The following SLIT1 variants were observed in gnomAD, a reference collection of about 807,000 sequenced individuals.
The protein encoded by SLIT1 is slit homolog 1 protein.
Under a neutral mutation model 186.1 loss-of-function variants are expected in SLIT1, and 66 were observed. That is an observed-to-expected ratio of 0.35 (90% CI 0.29 to 0.44). The LOEUF (loss-of-function observed/expected upper bound fraction) is 0.44. SLIT1 is among the 20% of genes least tolerant of loss of function. SLIT1 has a pLI of 1.00. For synonymous variants in SLIT1, 761 were observed against 833.8 expected, an observed-to-expected ratio of 0.91 and a Z score of 1.50; for missense variants, 1,638 against 2,037.4, an observed-to-expected ratio of 0.80 and a Z score of 3.77.
At chr10:97,113,157 T>G (rs1214082921) in intron 4 of SLIT1, among the ~76,000 whole-genome samples, 2 of 152,224 alleles carry the variant, frequency 1.3e-5, no homozygotes, top group Non-Finnish European at 2.9e-5. Context: ...TGATTATAAT[T>G]ATATATAATT....
At chr10:97,014,585 G>T (rs1380276849) in intron 28 of SLIT1, among the ~76,000 whole-genome samples, 2 of 152,162 alleles carry the variant, frequency 1.3e-5, no homozygotes, top group Non-Finnish European at 2.9e-5. Flanking sequence ...AGCCTGGAGT[G>T]GCCAGGTGCG....
intron 22 of SLIT1, among the ~76,000 whole-genome samples, chr10:97,035,768 C>T (rs1848633223): frequency 1.3e-5 from 2 of 152,166 alleles, no homozygotes; most frequent in South Asian, 4.1e-4. Flanking sequence ...GCCCCTCCCT[C>T]CCTCTGCTCC....
At chr10:97,114,369 T>C (rs1849492011) in intron 4 of SLIT1, among the ~76,000 whole-genome samples, 1 of 152,114 alleles carries the variant, frequency 6.6e-6, no homozygotes, top group African/African-American at 2.4e-5. Context: ...AGATCAAAAG[T>C]ACAGGCTGGG....
At chr10:97,014,570 G>A (rs1346402475) in intron 28 of SLIT1, among the ~76,000 whole-genome samples, 1 of 152,138 alleles carries the variant, frequency 6.6e-6, no homozygotes, top group South Asian at 2.1e-4. Flanking sequence ...AGAGGTGTGT[G>A]TAAAAGCCTG....
rs138618820 is a variant in SLIT1 at position 97,068,040 on chromosome 10, A to G, written c.414-1954T>C. Among the ~76,000 whole-genome samples, 298 of 152,310 alleles carry G rather than the reference A, an allele frequency of 2.0e-3. 1 individual carries two copies. The highest frequency in any genetic ancestry group is 7.0e-3 in the African/African-American group (289 of 41,568). ...GGAGGCAGGTGGGCTCCTACTGCCT[A>G]CTAGAACTGTGAGAAGGCACTGGAC... On this transcript the variant is annotated intron_variant, in intron 4 of 36. Coordinates refer to ENST00000266058, the MANE Select transcript of SLIT1 (RefSeq NM_003061.3). This position sits in a 1 kb window ranked among gnomAD's most constrained non-coding sequence, Gnocchi z 4.2.
intron 4 of SLIT1, among the ~76,000 whole-genome samples, chr10:97,090,338 T>C (rs1021807202): frequency 6.6e-6 from 1 of 152,018 alleles, no homozygotes; most frequent in Non-Finnish European, 1.5e-5. Context: ...AGCAGAGTCC[T>C]GGGAAGAGCG....
intron 1 of SLIT1, among the ~76,000 whole-genome samples, chr10:97,177,097 G>A (rs773659217): frequency 3.9e-5 from 6 of 152,038 alleles, no homozygotes; most frequent in Non-Finnish European, 7.4e-5. Flanking sequence ...ATTTTGTACC[G>A]GCCTCCCAGG....
chr10:97,057,432 C>A (rs1589377462), intron 11 of SLIT1, 151 bp from the exon 12 acceptor site: 1 of 618,036 alleles, frequency 1.6e-6, no homozygotes, highest in East Asian at 2.8e-5. Flanking sequence ...GCAACTTGTC[C>A]ACAGATGACA....
chr10:97,104,469 T>C (rs1340948385), intron 4 of SLIT1, among the ~76,000 whole-genome samples: 1 of 152,070 alleles, frequency 6.6e-6, no homozygotes, highest in East Asian at 1.9e-4. Context: ...GTAGTAAGTG[T>C]TCAATTAACA....
At chr10:97,174,217 C>CCTGTGAGG (rs1402444632) in intron 1 of SLIT1, among the ~76,000 whole-genome samples, 1 of 152,228 alleles carries the variant, frequency 6.6e-6, no homozygotes, top group East Asian at 1.9e-4. Context: ...CTCCCAGCTA[C>CCTGTGAGG]CTGTGAGGGG....
At chr10:97,135,345 G>A (rs930015950) in intron 4 of SLIT1, among the ~76,000 whole-genome samples, 3 of 152,168 alleles carry the variant, frequency 2.0e-5, no homozygotes, top group Admixed American at 6.5e-5. Context: ...CATCAGCGTC[G>A]CACTGAAAGA....
intron 3 of SLIT1, 88 bp from the exon 4 acceptor site, chr10:97,157,977 A>G (rs1849973374): frequency 1.0e-6 from 1 of 959,274 alleles, no homozygotes; most frequent in African/African-American, 1.6e-5. Flanking sequence ...ATTCAGAGGC[A>G]GAAGGTCCAG....
chr10:97,129,781 C>T (rs1394027608), intron 4 of SLIT1, among the ~76,000 whole-genome samples: 1 of 152,158 alleles, frequency 6.6e-6, no homozygotes. Context: ...CATCGGGTAC[C>T]GGGCATGGAG....
intron 6 of SLIT1, among the ~76,000 whole-genome samples, 160 bp downstream of exon 6, chr10:97,064,645 C>T (rs1018625648): frequency 2.6e-5 from 4 of 152,162 alleles, no homozygotes; most frequent in Non-Finnish European, 4.4e-5. Context: ...GCTGCAGGCA[C>T]AACCCCATGA....
At chr10:97,013,450 C>G (rs558695574) in intron 30 of SLIT1, among the ~76,000 whole-genome samples, 2 of 152,162 alleles carry the variant, frequency 1.3e-5, no homozygotes, top group Non-Finnish European at 2.9e-5. Context: ...CTTGCAATCA[C>G]CCCAGGAGGA....
chr10:97,021,461 C>A lies in SLIT1; in HGVS notation c.2583-48G>T. 6.4e-7 allele frequency: 1 copy of A among 1,565,488 alleles called. No homozygotes were observed. The highest frequency in any genetic ancestry group is 8.7e-7 in the Non-Finnish European group (1 of 1,150,928). ...CAGGCATTACAGCTTCATGGGGTCCCTCGCCCACTGGGAACCTAGAGTCCC... is the reference window on the plus strand; with the variant it reads ...CAGGCATTACAGCTTCATGGGGTCCATCGCCCACTGGGAACCTAGAGTCCC... On this transcript the variant is annotated intron_variant, in intron 25 of 36. Coordinates refer to ENST00000266058, the MANE Select transcript of SLIT1 (RefSeq NM_003061.3). This position sits in a 1 kb window ranked among gnomAD's most constrained non-coding sequence, Gnocchi z 4.5.
At chr10:97,080,585 G>A (rs1849093877) in intron 4 of SLIT1, among the ~76,000 whole-genome samples, 1 of 152,222 alleles carries the variant, frequency 6.6e-6, no homozygotes, top group Admixed American at 6.5e-5. Context: ...CCTGTAGGAA[G>A]ACTCCAAGCT....
intron 4 of SLIT1, among the ~76,000 whole-genome samples, chr10:97,115,696 C>T (rs147241328): frequency 1.3e-5 from 2 of 152,238 alleles, no homozygotes; most frequent in African/African-American, 2.4e-5. Flanking sequence ...AACTGCAGCA[C>T]TGGGCACCTG....
rs1589426553 is a variant in SLIT1, at chr10:97,184,473, C to T, written c.197+1005G>A. Among the ~76,000 whole-genome samples the T allele has an allele frequency of 6.6e-6, 1 of 152,104 alleles. No individual in the cohort carries two copies. Among genetic ancestry groups the T allele is most frequent in the South Asian group, 2.1e-4 (1 of 4,826 alleles). On this transcript the variant is annotated intron_variant, in intron 1 of 36. Transcript: ENST00000266058. This position sits in a 1 kb window ranked among gnomAD's most constrained non-coding sequence, Gnocchi z 4.4. ...CATTACGGGGACTCTCATGGCCTCA[C>T]GCTATTAAGGTGGCCCCTTAATACT... is the stretch of plus-strand genomic sequence containing the variant.
Sources: gnomAD v4.1 joint callset for allele counts (sites outside exome capture counted in the v4.1 genomes callset) on GRCh38, gnomAD v4.1.1 for gene constraint, Gnocchi (gnomAD v3.1) non-coding constraint, MANE v1.5 for transcripts, NCBI Gene and HGNC (gene_info 2026-07-23, HGNC 2026-07-21) for gene names.